The following ZNF366 variants were observed in gnomAD, a reference collection of about 807,000 sequenced individuals.
ZNF366 encodes the protein dendritic cell-specific transcript protein.
ZNF366 carries 20 observed loss-of-function variants against 47.2 expected under a neutral mutation model. The ratio of observed to expected loss-of-function variants is 0.42; its 90% confidence interval spans 0.30 to 0.62. The LOEUF is 0.62. ZNF366 is among the 20% of genes least tolerant of loss of function. The pLI is 0.16. For missense variants in ZNF366, 987 were observed against 976.3 expected (o/e 1.01, Z -0.15); for synonymous variants, 421 against 395.1 (o/e 1.07, Z -0.78).
intron 1 of ZNF366, among the ~76,000 whole-genome samples, chr5:72,493,141 C>T (rs1744043690): frequency 6.6e-6 from 1 of 152,236 alleles, no homozygotes; most frequent in Non-Finnish European, 1.5e-5. Context: ...TCCTACTTCA[C>T]ATTTTCATTT....
At position 72,440,216 on chromosome 5, in the gene ZNF366, T is replaced by C. The variant is rs1048571032; in HGVS notation, c.*3540A>G. 1 of 152,212 alleles carries C rather than the reference T, an allele frequency of 6.6e-6. No homozygotes were observed. The highest frequency in any genetic ancestry group is 6.5e-5 in the Admixed American group (1 of 15,282). 9.4% of individuals were successfully genotyped at this position (152,212 alleles called of 1,614,324 possible). ...CGTTCAGGGCTTAATAAATACAGTA[T>C]GCACATTGAGCTTTCTCATGCAACT... On this transcript the variant is annotated 3_prime_UTR_variant, in exon 5 of 5. Transcript: ENST00000318442.
intron 1 of ZNF366, among the ~76,000 whole-genome samples, chr5:72,487,323 G>A (rs1162988960): frequency 2.0e-5 from 3 of 152,182 alleles, no homozygotes; most frequent in Non-Finnish European, 4.4e-5. Context: ...TTGGACCCCA[G>A]CAAGGTTAAA....
chr5:72,475,705 T>G (rs968088351), intron 1 of ZNF366, among the ~76,000 whole-genome samples: 1 of 152,174 alleles, frequency 6.6e-6, no homozygotes, highest in African/African-American at 2.4e-5. Flanking sequence ...GTTCTGCTAT[T>G]GATTTAATAG....
intron 1 of ZNF366, among the ~76,000 whole-genome samples, chr5:72,483,812 T>G (rs1388725503): frequency 1.3e-5 from 2 of 152,186 alleles, no homozygotes; most frequent in Admixed American, 1.3e-4. Flanking sequence ...CACTGGAGTA[T>G]TAAGTAAGAA....
chr5:72,459,667 A>G (rs1214238323), intron 2 of ZNF366, among the ~76,000 whole-genome samples: 1 of 152,246 alleles, frequency 6.6e-6, no homozygotes, highest in East Asian at 1.9e-4. Context: ...CCCTTGGAGA[A>G]CTTGCATATG....
In ZNF366 at chr5:72,507,252, A is replaced by G; in HGVS notation, c.-16T>C. The G allele has an allele frequency of 1.0e-5, 10 of 985,462 alleles. No individual in the cohort carries two copies. The highest frequency in any genetic ancestry group is 1.2e-5 in the Non-Finnish European group (10 of 829,966). The allele number at this position is 985,462 out of a possible 1,614,324, so 61.0% of individuals were successfully genotyped here. A position where few individuals can be genotyped will look rare whatever the true frequency, so the allele number is the denominator to read the frequency against. ...GAAATGATTGCATGGGTAACTTACC[A>G]GCTCCTGAGGTCTGAATGGCTGCAG... On this transcript the variant is annotated splice_region_variant and 5_prime_UTR_variant, in exon 1 of 5. Transcript: ENST00000318442.
chr5:72,459,067 C>T (rs1743249328), intron 2 of ZNF366, among the ~76,000 whole-genome samples: 1 of 152,170 alleles, frequency 6.6e-6, no homozygotes, highest in Admixed American at 6.5e-5. Flanking sequence ...ATAGTATCTA[C>T]AGGTACCTTT....
intron 1 of ZNF366, among the ~76,000 whole-genome samples, chr5:72,501,380 C>T (rs1580256773): frequency 6.6e-6 from 1 of 152,266 alleles, no homozygotes; most frequent in South Asian, 2.1e-4. Context: ...TCAGTTTCTA[C>T]TCCAATTAAC....
chr5:72,481,347 A>C (rs1292109167), intron 1 of ZNF366, among the ~76,000 whole-genome samples: 1 of 152,228 alleles, frequency 6.6e-6, no homozygotes, highest in African/African-American at 2.4e-5. Context: ...ATAATCAATA[A>C]TACTACCACC....
At chr5:72,453,788 C>T (rs980219589) in intron 3 of ZNF366, among the ~76,000 whole-genome samples, 1 of 152,206 alleles carries the variant, frequency 6.6e-6, no homozygotes, top group African/African-American at 2.4e-5. Flanking sequence ...AGCACTGTCT[C>T]AGAGACAGAG....
chr5:72,462,752 T>C (rs890364306), intron 1 of ZNF366, among the ~76,000 whole-genome samples: 26 of 152,216 alleles, frequency 1.7e-4, no homozygotes, highest in Admixed American at 5.9e-4. Context: ...GGTTTCACCA[T>C]GTTGGCCAGG....
intron 2 of ZNF366, among the ~76,000 whole-genome samples, chr5:72,459,515 C>T (rs1389780271): frequency 6.6e-6 from 1 of 152,130 alleles, no homozygotes; most frequent in African/African-American, 2.4e-5. Flanking sequence ...GACCTGAGCA[C>T]AGAGAAGATC....
intron 3 of ZNF366, among the ~76,000 whole-genome samples, chr5:72,452,165 G>A (rs1340090874): frequency 6.6e-6 from 1 of 152,224 alleles, no homozygotes; most frequent in Non-Finnish European, 1.5e-5. Flanking sequence ...GCCTGCAGCT[G>A]AGGAGAATGG....
Position 72,504,409 on chromosome 5 carries a change from T to C in ZNF366, c.-15+2842A>G, listed in dbSNP as rs78117774. Among the ~76,000 whole-genome samples, 1,444 of 152,270 alleles carry C rather than the reference T, an allele frequency of 9.5e-3. 20 individuals carry two copies. Among genetic ancestry groups the C allele is most frequent in the Middle Eastern group, 0.051 (15 of 294 alleles). On this transcript the variant is annotated intron_variant, in intron 1 of 4. Transcript: ENST00000318442. ...AAATGTCCACAATATAACTGAACTC[T>C]CTTTGCACGTTCATCTAAGTTGAAA...
At chr5:72,444,412 T>A in intron 4 of ZNF366, 121 bp from the exon 5 acceptor site, 1 of 1,121,676 alleles carries the variant, frequency 8.9e-7, no homozygotes, top group Non-Finnish European at 1.2e-6. Flanking sequence ...AAATAGATCA[T>A]TCCCAGTAAG....
At chr5:72,444,795 T>G (rs1218422328) in intron 4 of ZNF366, among the ~76,000 whole-genome samples, 1 of 152,226 alleles carries the variant, frequency 6.6e-6, no homozygotes, top group Non-Finnish European at 1.5e-5. Flanking sequence ...AGTATGTGTG[T>G]GTGTATTTAT....
At chr5:72,485,012 C>A (rs925821523) in intron 1 of ZNF366, among the ~76,000 whole-genome samples, 1 of 152,190 alleles carries the variant, frequency 6.6e-6, no homozygotes, top group Non-Finnish European at 1.5e-5. Context: ...CAGTACTCAT[C>A]ATTAGCCACG....
At position 72,462,547 on chromosome 5, in the gene ZNF366, C is replaced by CTTT; in HGVS notation, c.-14-1040_-14-1038dup. Among the ~76,000 whole-genome samples the CTTT allele has an allele frequency of 2.5e-5, 2 of 78,928 alleles. 1 individual carries two copies. The highest frequency in any genetic ancestry group is 1.2e-4 in the African/African-American group (2 of 16,752). 51.8% of individuals were successfully genotyped at this position (78,928 alleles called of 152,430 possible). On this transcript the variant is annotated intron_variant, in intron 1 of 4. Transcript: ENST00000318442. Reference sequence around the variant, plus strand: ...TCTTTCTTTCTTTCTTTCTTTCTTTCTTTTTTTTTTTTTTTGGAGATGGAG... The same window carrying CTTT: ...TCTTTCTTTCTTTCTTTCTTTCTTTCTTTTTTTTTTTTTTTTTTGGAGATGGAG...
intron 2 of ZNF366, among the ~76,000 whole-genome samples, chr5:72,457,664 A>G (rs1360881626): frequency 6.6e-6 from 1 of 152,178 alleles, no homozygotes; most frequent in Non-Finnish European, 1.5e-5. Flanking sequence ...CATGGTACTA[A>G]ATGGTGGATT....
Sources: allele counts gnomAD v4.1 joint callset (sites outside exome capture counted in the v4.1 genomes callset), GRCh38; gene constraint gnomAD v4.1.1; transcripts MANE v1.5; gene names NCBI Gene and HGNC (gene_info 2026-07-23, HGNC 2026-07-21).